The following SMPDL3A variants were observed in gnomAD, a reference collection of about 807,000 sequenced individuals.
SMPDL3A encodes sphingomyelin phosphodiesterase acid like 3A, also known as cyclic GMP-AMP phosphodiesterase SMPDL3A.
In SMPDL3A, 39 loss-of-function variants were observed where a neutral mutation model predicts 38.5. The ratio of observed to expected loss-of-function variants is 1.01; its 90% CI spans 0.78 to 1.32. The LOEUF (loss-of-function observed/expected upper bound fraction) is 1.32. SMPDL3A is among the 40% of genes most tolerant of loss of function. The pLI is 0.00. For synonymous variants in SMPDL3A, 180 were observed against 194.3 expected (o/e 0.93, Z 0.61); for missense variants, 502 against 536.2 (o/e 0.94, Z 0.63).
At chr6:122,809,032 T>G in intron 7 of SMPDL3A, 59 bp from the exon 8 acceptor site, 1 of 1,279,880 alleles carries the variant, frequency 7.8e-7, no homozygotes, top group South Asian at 1.3e-5. Context: ...CGCTTCTTGT[T>G]GTACAATGCC....
chr6:122,789,572 T>G (rs1780994959), intron 1 of SMPDL3A, 114 bp downstream of exon 1: 1 of 1,016,982 alleles, frequency 9.8e-7, no homozygotes, highest in Non-Finnish European at 1.5e-6. Flanking sequence ...AGGCTCGGGC[T>G]AGCGGGGCCC....
At chr6:122,791,649 C>G (rs1275833638) in intron 1 of SMPDL3A, among the ~76,000 whole-genome samples, 1 of 152,124 alleles carries the variant, frequency 6.6e-6, no homozygotes. Flanking sequence ...TTGCTGAACA[C>G]ACACACATAT....
chr6:122,801,622 T>G (rs1240339927), intron 4 of SMPDL3A, among the ~76,000 whole-genome samples: 1 of 152,220 alleles, frequency 6.6e-6, no homozygotes, highest in African/African-American at 2.4e-5. Flanking sequence ...TTTTTTCTTC[T>G]TCTACTCTTA....
intron 7 of SMPDL3A, among the ~76,000 whole-genome samples, chr6:122,808,118 C>A (rs1049110153): frequency 2.0e-5 from 3 of 152,194 alleles, no homozygotes; most frequent in Non-Finnish European, 4.4e-5. Context: ...TAAAACACAA[C>A]AACATATATA....
chr6:122,795,689 A>C lies in SMPDL3A; in HGVS notation c.125A>C (p.His42Pro), dbSNP rs1169816593. 1.9e-6 allele frequency: 3 copies of C among 1,613,746 alleles called. No individual in the cohort carries two copies. The highest frequency in any genetic ancestry group is 1.7e-6 in the Non-Finnish European group (2 of 1,179,798). The part of the protein sequence containing the change: ...NPPPAIGQFW[H>P]VTDLHLDPTY... ...GTGTAATCAACAGGACAGTTTTGGC[A>C]TGTGACTGACTTACACTTAGACCCT... is the stretch of plus-strand genomic sequence containing the variant. The change falls in exon 2 of 8, where the codon CAT (histidine) becomes CCT (proline). Residue 42 changes from histidine (H) to proline (P), a missense_variant. His to Pro is a moderately conservative substitution (Grantham distance 77, BLOSUM62 -2). Coordinates refer to ENST00000368440, the MANE Select transcript of SMPDL3A (RefSeq NM_006714.5).
At chr6:122,804,460 C>A (rs532077983) in intron 5 of SMPDL3A, among the ~76,000 whole-genome samples, 1 of 152,144 alleles carries the variant, frequency 6.6e-6, no homozygotes, top group African/African-American at 2.4e-5. Flanking sequence ...TGCGCCACCA[C>A]TCCTGGCTAA....
chr6:122,795,995 GTTAT>G (rs910954057), intron 2 of SMPDL3A, 105 bp downstream of exon 2: 12 of 824,718 alleles, frequency 1.5e-5, no homozygotes, highest in African/African-American at 6.9e-5. Flanking sequence ...CATTTTAAGA[GTTAT>G]TTGAGTTAAA....
intron 2 of SMPDL3A, 72 bp downstream of exon 2, chr6:122,795,962 G>C: frequency 9.3e-7 from 1 of 1,076,084 alleles, no homozygotes; most frequent in South Asian, 1.5e-5. Flanking sequence ...TAAGAGTGCT[G>C]AATTCCATAA....
At chr6:122,803,152 AGTG>A (rs4060948) in intron 4 of SMPDL3A, among the ~76,000 whole-genome samples, 126,156 of 151,866 alleles carry the variant, frequency 0.83, 53,115 homozygotes, top group East Asian at 0.99. Context: ...TCCCACCACC[AGTG>A]GTTCAGAGGC....
At chr6:122,789,550 T>G in intron 1 of SMPDL3A, 92 bp downstream of exon 1, 1 of 1,155,522 alleles carries the variant, frequency 8.7e-7, no homozygotes. Flanking sequence ...TGGGGGCAGC[T>G]GCCCCCGGCA....
intron 6 of SMPDL3A, among the ~76,000 whole-genome samples, chr6:122,805,814 C>T (rs1208039568): frequency 1.3e-5 from 2 of 152,102 alleles, no homozygotes; most frequent in African/African-American, 2.4e-5. Context: ...AGGAAGGTCT[C>T]GATCTCTTGA....
At chr6:122,790,017 ACCCC>A in intron 1 of SMPDL3A, 3 of 224,282 alleles carry the variant, frequency 1.3e-5, no homozygotes, top group Non-Finnish European at 2.2e-5. Flanking sequence ...GGGTAGACTC[ACCCC>A]TTAGTCTACC....
chr6:122,802,266 G>T (rs1449980453), intron 4 of SMPDL3A, among the ~76,000 whole-genome samples: 1 of 149,064 alleles, frequency 6.7e-6, no homozygotes, highest in African/African-American at 2.5e-5. Flanking sequence ...CAATGGCATG[G>T]TCTTGGCTCA....
chr6:122,801,557 A>G, intron 4 of SMPDL3A, 151 bp downstream of exon 4: 1 of 625,470 alleles, frequency 1.6e-6, no homozygotes, highest in South Asian at 1.9e-5. Context: ...TGCCTGTGAC[A>G]CAGGTCGTGA....
intron 4 of SMPDL3A, among the ~76,000 whole-genome samples, chr6:122,803,408 A>C (rs1046871414): frequency 2.6e-5 from 4 of 152,184 alleles, no homozygotes; most frequent in African/African-American, 9.6e-5. Context: ...TTATCTTTTC[A>C]TGTGAATATT....
intron 2 of SMPDL3A, among the ~76,000 whole-genome samples, chr6:122,796,566 C>T (rs1303575696): frequency 6.6e-6 from 1 of 152,116 alleles, no homozygotes; most frequent in Non-Finnish European, 1.5e-5. Context: ...CAGTTTTTAG[C>T]CTCTTATAAA....
rs1481121170 is a variant in SMPDL3A, at chr6:122,789,268, T to G, written c.-79T>G. On this transcript the variant is annotated 5_prime_UTR_variant, in exon 1 of 8. Transcript: ENST00000368440. The stretch of plus-strand genomic sequence containing the variant: ...TCTACACCCGCAGCCGTCTTCTGTC[T>G]CCGCCTCACCCTCAGGCCTGACGGT... The G allele has an allele frequency of 9.8e-6, 10 of 1,024,778 alleles. No homozygotes were observed. The highest frequency in any genetic ancestry group is 1.4e-5 in the Non-Finnish European group (10 of 711,224). The allele number at this position is 1,024,778 out of a possible 1,614,324, so 63.5% of individuals were successfully genotyped here.
rs1381106306 is a variant in SMPDL3A, at chr6:122,809,099, G to A, written c.1053G>A (p.Leu351=). ...DPRDYKLLDM[L]QYYLNLTEAN... The stretch of plus-strand genomic sequence containing the variant: ...ACTGTTCTTAACTGCAGGATATGTT[G>A]CAGTATTACTTGAATCTGACAGAGG... Residue 351 remains leucine (L), a synonymous_variant, in exon 8 of 8, where the codon TTG becomes TTA. Transcript: ENST00000368440. The A allele has an allele frequency of 6.2e-7, 1 of 1,613,426 alleles. No homozygotes were observed.
chr6:122,802,546 C>T (rs1781461877), intron 4 of SMPDL3A, among the ~76,000 whole-genome samples: 1 of 152,108 alleles, frequency 6.6e-6, no homozygotes, highest in South Asian at 2.1e-4. Context: ...ACGTGGAGAG[C>T]TTATGCAGGT....
Sources: gnomAD v4.1 joint callset for allele counts (sites outside exome capture counted in the v4.1 genomes callset) on GRCh38, gnomAD v4.1.1 for gene constraint, MANE v1.5 for transcripts, NCBI Gene and HGNC (gene_info 2026-07-23, HGNC 2026-07-21) for gene names.